Variants in ZNF483 observed in about 807,000 individuals in gnomAD.
The protein encoded by ZNF483 is zinc finger protein HIT-10.
Under a neutral mutation model 28.6 loss-of-function variants are expected in ZNF483, and 9 were observed. The ratio of observed to expected loss-of-function variants is 0.32; its 90% CI spans 0.19 to 0.55. ZNF483 has a LOEUF of 0.55. Among genes scored for constraint, ZNF483 ranks in the 20% least tolerant of loss-of-function variants. The probability of loss-of-function intolerance (pLI) is 0.93; values close to 1 mark genes in which losing one functional copy is unlikely to be tolerated. For synonymous variants in ZNF483, 322 were observed against 306.2 expected, an observed-to-expected ratio of 1.05 and a Z score of -0.54; for missense variants, 675 against 871.7, an observed-to-expected ratio of 0.77 and a Z score of 2.84.
At chr9:111,566,783 G>A (rs1251722852) in intron 5 of ZNF483, among the ~76,000 whole-genome samples, 1 of 152,108 alleles carries the variant, frequency 6.6e-6, no homozygotes, top group African/African-American at 2.4e-5. Flanking sequence ...CTTCATGGAG[G>A]TTACATCCTC....
rs992854131 is a variant in ZNF483 at position 111,552,930 on chromosome 9, C to T, written c.*9760C>T. Among the ~76,000 whole-genome samples, 10 of 152,100 alleles carry T rather than the reference C, an allele frequency of 6.6e-5. No individual in the cohort carries two copies. The highest frequency in any genetic ancestry group is 3.9e-4 in the East Asian group (2 of 5,190). On this transcript the variant is annotated 3_prime_UTR_variant, in exon 6 of 6. Coordinates refer to ENST00000309235, the MANE Select transcript of ZNF483 (RefSeq NM_133464.5). ...TCTTTTCCTCATAATTTTCTAAATA[C>T]GATAAAGTGATAATTTCTTCATCTC...
Position 111,527,660 on chromosome 9 carries a change from G to C in ZNF483, c.265G>C (p.Glu89Gln). Residue 89 changes from glutamate (E) to glutamine (Q), a missense_variant, in exon 2 of 6, where the codon GAA becomes CAA. By Grantham distance (29) the Glu-to-Gln change is conservative. Around this residue, in one of 6 missense-constraint regions of ZNF483, gnomAD observed 525 missense variants for 581.8 expected, o/e 0.90. Coordinates refer to ENST00000309235, the MANE Select transcript of ZNF483 (RefSeq NM_133464.5). ...QWLRPDIHTKEQILELLVFEQ... is the reference protein window; with the variant it reads ...QWLRPDIHTKQQILELLVFEQ... ...GCTGAGACCAGACATTCACACGAAA[G>C]AACAGATTTTAGAGCTTCTGGTGTT... 6.2e-7 allele frequency: 1 copy of C among 1,614,164 alleles called. No individual in the cohort carries two copies. Among genetic ancestry groups the C allele is most frequent in the South Asian group, 1.1e-5 (1 of 91,086 alleles).
chr9:111,578,121 G>T (rs1829141653), downstream of ZNF483, among the ~76,000 whole-genome samples: 1 of 152,002 alleles, frequency 6.6e-6, no homozygotes, highest in Non-Finnish European at 1.5e-5. Flanking sequence ...TCTCAATAAA[G>T]CTGTTTTTTA....
chr9:111,571,636 C>T (rs1452849064), intron 5 of ZNF483, among the ~76,000 whole-genome samples: 1 of 150,578 alleles, frequency 6.6e-6, no homozygotes, highest in Non-Finnish European at 1.5e-5. Context: ...TGCCACCACA[C>T]CTGGCTAATT....
downstream of ZNF483, among the ~76,000 whole-genome samples, chr9:111,558,601 G>C (rs1384434168): frequency 6.6e-6 from 1 of 152,162 alleles, no homozygotes; most frequent in African/African-American, 2.4e-5. Context: ...TTTTAGTAGA[G>C]AATAATATAT....
rs1827842282 is a variant in ZNF483, at chr9:111,547,903, T to C, written c.*4733T>C. Among the ~76,000 whole-genome samples the C allele has an allele frequency of 6.6e-6, 1 of 152,238 alleles. No homozygotes were observed. The highest frequency in any genetic ancestry group is 1.5e-5 in the Non-Finnish European group (1 of 68,028). Reference sequence around the variant, plus strand: ...AGACTATCCTTTCCACATCATGTATTCTTTGCACTCTTGTCAAAGATCATT... The same window carrying C: ...AGACTATCCTTTCCACATCATGTATCCTTTGCACTCTTGTCAAAGATCATT... On this transcript the variant is annotated 3_prime_UTR_variant, in exon 6 of 6. Coordinates refer to ENST00000309235, the MANE Select transcript of ZNF483 (RefSeq NM_133464.5).
At chr9:111,571,014 G>GTAGCTGGGACTATAGGTGCATGCCACCA (rs1176703185) in intron 5 of ZNF483, among the ~76,000 whole-genome samples, 4 of 150,952 alleles carry the variant, frequency 2.6e-5, no homozygotes, top group Admixed American at 1.3e-4. Flanking sequence ...AATACAGGCA[G>GTAGCTGGGACTATAGGTGCATGCCACCA]CTGCTAGAAG....
intron 5 of ZNF483, among the ~76,000 whole-genome samples, chr9:111,561,650 C>G (rs975212072): frequency 3.3e-5 from 5 of 152,144 alleles, no homozygotes; most frequent in African/African-American, 1.2e-4. Context: ...TTTTGTGCAG[C>G]TCTGTGAATG....
chr9:111,556,988 G>T (rs1489469112), downstream of ZNF483, among the ~76,000 whole-genome samples: 1 of 152,194 alleles, frequency 6.6e-6, no homozygotes, highest in Non-Finnish European at 1.5e-5. Context: ...CCTGGGCCTG[G>T]CCTGTGAAAC....
Position 111,542,268 on chromosome 9 carries a change from G to A in ZNF483, c.1333G>A (p.Gly445Arg), listed in dbSNP as rs1259727992. The change falls in exon 6 of 6, where the codon GGA (glycine) becomes AGA (arginine). Residue 445 changes from glycine to arginine, a missense_variant. By Grantham distance (125) the Gly-to-Arg change is moderately radical. Coordinates refer to ENST00000309235, the MANE Select transcript of ZNF483 (RefSeq NM_133464.5). The surrounding 1 kb of genome is among the most constrained non-coding windows in gnomAD (Gnocchi z 6.2). ...GEKTHKCSKC[G>R]KAFGYSASLT... is the part of the protein sequence containing the mutation. ...AAAAACTCATAAATGTAGTAAGTGT[G>A]GAAAAGCCTTTGGCTATAGCGCCTC... 6.2e-7 allele frequency: 1 copy of A among 1,614,154 alleles called. No individual in the cohort carries two copies. The highest frequency in any genetic ancestry group is 1.7e-5 in the Admixed American group (1 of 60,026).
At chr9:111,540,127 A>C (rs1030973082) in intron 5 of ZNF483, among the ~76,000 whole-genome samples, 1 of 152,196 alleles carries the variant, frequency 6.6e-6, no homozygotes, top group Non-Finnish European at 1.5e-5. Flanking sequence ...GTAAGACCCT[A>C]TCTCTAAAAA....
intron 5 of ZNF483, chr9:111,539,761 CAAAAA>C (rs201992061): frequency 9.5e-6 from 1 of 104,916 alleles, no homozygotes. Context: ...AACTCCGTCT[CAAAAA>C]AAAAAAAAAG....
chr9:111,570,208 G>A lies in ZNF483; in HGVS notation c.722-6157G>A, dbSNP rs1828748819. On this transcript the variant is annotated intron_variant, in intron 5 of 5. Coordinates refer to the ZNF483 transcript ENST00000358151. ...GATAGATAACAATCTCTGGGGGTGG[G>A]CCTGTGAAGAGAAGGGCACATTTGG... 1.9e-6 allele frequency: 3 copies of A among 1,612,608 alleles called. No homozygotes were observed. In the South Asian group the frequency reaches 3.3e-5, roughly 18 times the overall value.
chr9:111,529,672 G>GAT (rs1452528181), intron 2 of ZNF483, among the ~76,000 whole-genome samples: 3 of 152,150 alleles, frequency 2.0e-5, no homozygotes, highest in Non-Finnish European at 4.4e-5. Flanking sequence ...TTAAACTGAG[G>GAT]GTATACAGAA....
chr9:111,562,259 G>A (rs796633801), intron 5 of ZNF483, among the ~76,000 whole-genome samples: 11 of 150,596 alleles, frequency 7.3e-5, no homozygotes, highest in African/African-American at 2.7e-4. Flanking sequence ...GAAGTCTAAG[G>A]TCACAGAAGC....
At chr9:111,538,129 T>G (rs758388438) in intron 5 of ZNF483, among the ~76,000 whole-genome samples, 1 of 151,898 alleles carries the variant, frequency 6.6e-6, no homozygotes, top group Admixed American at 6.6e-5. Context: ...TGGGGTTGTT[T>G]TTTTTTTTGA....
chr9:111,554,082 C>G lies in ZNF483; in HGVS notation c.*10912C>G, dbSNP rs1338862460. Reference sequence around the variant, plus strand: ...CTCGGTGCCAAGGTTTCCCATTCCACTCTAGAGATCTCACACAGGCTTCCC... The same window carrying G: ...CTCGGTGCCAAGGTTTCCCATTCCAGTCTAGAGATCTCACACAGGCTTCCC... On this transcript the variant is annotated 3_prime_UTR_variant, in exon 6 of 6. Transcript: ENST00000309235. 6.6e-6 allele frequency among the ~76,000 whole-genome samples: 1 copy of G among 152,184 alleles called. No individual in the cohort carries two copies. The highest frequency in any genetic ancestry group is 1.5e-5 in the Non-Finnish European group (1 of 68,038).
chr9:111,533,722 G>A lies in ZNF483; in HGVS notation c.502-17G>A. On this transcript the variant is annotated splice_polypyrimidine_tract_variant and intron_variant, in intron 3 of 5. Transcript: ENST00000309235. ...TTTGGGAATAATCCAATACAAAAGA[G>A]CTGTTTGGTGTTCTAGGAATCTATA... is the stretch of plus-strand genomic sequence containing the variant. 6.5e-7 allele frequency: 1 copy of A among 1,544,398 alleles called. No individual in the cohort carries two copies. The highest frequency in any genetic ancestry group is 8.6e-7 in the Non-Finnish European group (1 of 1,156,968).
chr9:111,561,316 C>T (rs1026406780), intron 5 of ZNF483, among the ~76,000 whole-genome samples: 2 of 151,874 alleles, frequency 1.3e-5, no homozygotes, highest in African/African-American at 4.8e-5. Flanking sequence ...TACTCTGCTG[C>T]CCATGCTGGA....
Sources: gnomAD v4.1 joint callset for allele counts (sites outside exome capture counted in the v4.1 genomes callset) on GRCh38, gnomAD v4.1.1 for gene constraint, gnomAD v4.1.1 regional missense constraint, Gnocchi (gnomAD v3.1) non-coding constraint, MANE v1.5 for transcripts, NCBI Gene and HGNC (gene_info 2026-07-23, HGNC 2026-07-21) for gene names.